The following TSHZ3 variants were observed in gnomAD, a reference collection of about 807,000 sequenced individuals.
TSHZ3 encodes the protein teashirt zinc finger homeobox 3.
In TSHZ3, 10 loss-of-function variants were observed where a neutral mutation model predicts 64.5. The observed-to-expected ratio is 0.16, with a 90% CI of 0.10 to 0.26. The LOEUF (loss-of-function observed/expected upper bound fraction) is 0.26. TSHZ3 is among the 10% of genes least tolerant of loss of function. The probability of loss-of-function intolerance (pLI) is 1.00; values close to 1 mark genes in which losing one functional copy is unlikely to be tolerated. For missense variants in TSHZ3, 1,242 were observed against 1,421.7 expected (o/e 0.87, Z 2.03); for synonymous variants, 608 against 593.1 (o/e 1.03, Z -0.36).
chr19:31,325,232 C>T (rs1409155511), intron 1 of TSHZ3, among the ~76,000 whole-genome samples: 6 of 152,130 alleles, frequency 3.9e-5, no homozygotes, highest in Admixed American at 3.3e-4. Context: ...GGCTTTACAC[C>T]CTCAGTGCTT....
At chr19:31,312,531 C>T (rs950363001) in intron 1 of TSHZ3, among the ~76,000 whole-genome samples, 19 of 152,270 alleles carry the variant, frequency 1.2e-4, no homozygotes, top group African/African-American at 4.6e-4. Flanking sequence ...TCCTAATGTC[C>T]TCTCTCTTCC....
intron 5 of TSHZ3, among the ~76,000 whole-genome samples, chr19:31,179,357 G>A (rs993348726): frequency 1.3e-5 from 2 of 152,158 alleles, no homozygotes; most frequent in Non-Finnish European, 2.9e-5. Context: ...AAAGACAGGG[G>A]AACAAATACT....
intron 4 of TSHZ3, among the ~76,000 whole-genome samples, chr19:31,210,866 G>C (rs1182269357): frequency 6.6e-6 from 1 of 152,180 alleles, no homozygotes; most frequent in Non-Finnish European, 1.5e-5. Flanking sequence ...ACTGTGTCTA[G>C]TGTTTAGCAT....
chr19:31,169,692 G>A (rs1974509216), intron 5 of TSHZ3, among the ~76,000 whole-genome samples: 1 of 152,114 alleles, frequency 6.6e-6, no homozygotes, highest in Admixed American at 6.5e-5. Flanking sequence ...CAGACTCCCT[G>A]AGTCTGTGCC....
At chr19:31,273,296 C>G (rs184539729), downstream of TSHZ3, among the ~76,000 whole-genome samples, 34 of 152,278 alleles carry the variant, frequency 2.2e-4, no homozygotes, top group Admixed American at 4.6e-4. Context: ...TTCATGGACC[C>G]CCACGTATAT....
upstream of TSHZ3, among the ~76,000 whole-genome samples, chr19:31,349,828 C>T (rs1234641269): frequency 1.3e-5 from 2 of 148,264 alleles, no homozygotes; most frequent in African/African-American, 2.5e-5. Flanking sequence ...GCGGCTGGAG[C>T]GGCGGCGTCG....
chr19:31,318,684 A>AT (rs1916677016), intron 1 of TSHZ3, among the ~76,000 whole-genome samples: 1 of 152,198 alleles, frequency 6.6e-6, no homozygotes, highest in Non-Finnish European at 1.5e-5. Flanking sequence ...GTCTCCTATT[A>AT]TTTTTATCCT....
At chr19:31,210,146 G>A (rs1975244560) in intron 4 of TSHZ3, among the ~76,000 whole-genome samples, 3 of 152,140 alleles carry the variant, frequency 2.0e-5, no homozygotes, top group Admixed American at 2.0e-4. Flanking sequence ...TTCCAAGCCA[G>A]GCAAATGAGT....
At chr19:31,249,028 G>A (rs982374625) in intron 1 of TSHZ3, among the ~76,000 whole-genome samples, 1 of 151,912 alleles carries the variant, frequency 6.6e-6, no homozygotes, top group African/African-American at 2.4e-5. Context: ...CAAGAGATGA[G>A]AGTGTGGCTA....
chr19:31,323,449 G>C (rs1208410133), intron 1 of TSHZ3, among the ~76,000 whole-genome samples: 1 of 152,204 alleles, frequency 6.6e-6, no homozygotes, highest in East Asian at 1.9e-4. Context: ...AGACACATGA[G>C]TTTTGCCATT....
intron 6 of TSHZ3, among the ~76,000 whole-genome samples, chr19:31,153,670 T>G (rs1437443645): frequency 6.6e-6 from 1 of 152,244 alleles, no homozygotes; most frequent in African/African-American, 2.4e-5. Context: ...AAGAGCTTTG[T>G]CCTTCTTGTT....
At position 31,278,935 on chromosome 19, in the gene TSHZ3, G is replaced by A. The variant is rs1976306818; in HGVS notation, c.858C>T (p.Ser286=). The A allele has an allele frequency of 6.2e-7, 1 of 1,614,114 alleles. No individual in the cohort carries two copies. ...TCATATGGACACTCAAATCCTGCAG[G>A]GACTCAAAGGAGTGGCCACAGTACA... The part of the protein sequence containing the change: ...KCMYCGHSFE[S]LQDLSVHMIK... The change falls in exon 2 of 2, where the codon TCC becomes TCT. Residue 286 remains serine (S), a synonymous_variant. Coordinates refer to ENST00000240587, the MANE Select transcript of TSHZ3 (RefSeq NM_020856.4). This position sits in a 1 kb window ranked among gnomAD's most constrained non-coding sequence, Gnocchi z 4.7.
intron 1 of TSHZ3, among the ~76,000 whole-genome samples, chr19:31,290,814 C>T (rs904151634): frequency 1.3e-5 from 2 of 152,150 alleles, no homozygotes; most frequent in African/African-American, 4.8e-5. Context: ...GGAAAAGTGG[C>T]TGCAGCTGTA....
intron 5 of TSHZ3, among the ~76,000 whole-genome samples, chr19:31,158,478 T>C (rs1404585061): frequency 2.6e-5 from 4 of 152,174 alleles, no homozygotes; most frequent in African/African-American, 9.7e-5. Flanking sequence ...GACTGAGATG[T>C]CATCAGGACT....
At chr19:31,170,009 G>A (rs1974514273) in intron 5 of TSHZ3, among the ~76,000 whole-genome samples, 1 of 152,178 alleles carries the variant, frequency 6.6e-6, no homozygotes, top group South Asian at 2.1e-4. Context: ...GGGTCTAGCT[G>A]AATGGCTAAC....
chr19:31,291,487 G>A (rs1242928809), intron 1 of TSHZ3, among the ~76,000 whole-genome samples: 2 of 152,168 alleles, frequency 1.3e-5, no homozygotes, highest in East Asian at 3.9e-4. Flanking sequence ...GAAAGAGAAG[G>A]CAGCTTCCCT....
intron 5 of TSHZ3, among the ~76,000 whole-genome samples, chr19:31,199,276 C>T (rs1011341592): frequency 2.6e-5 from 4 of 151,434 alleles, no homozygotes; most frequent in South Asian, 2.1e-4. Flanking sequence ...TCGTGGCGGG[C>T]GCCTGTAGTC....
intron 1 of TSHZ3, among the ~76,000 whole-genome samples, chr19:31,318,726 A>C (rs1398246634): frequency 6.6e-6 from 1 of 152,234 alleles, no homozygotes; most frequent in East Asian, 1.9e-4. Context: ...CAATTATGAT[A>C]AAAGATGGTA....
intron 1 of TSHZ3, among the ~76,000 whole-genome samples, chr19:31,253,696 G>A (rs1448382735): frequency 1.3e-5 from 2 of 152,092 alleles, no homozygotes; most frequent in Non-Finnish European, 2.9e-5. Context: ...GCAATAGTCT[G>A]TGCATGCATG....
Sources: allele counts gnomAD v4.1 joint callset (sites outside exome capture counted in the v4.1 genomes callset), GRCh38; gene constraint gnomAD v4.1.1; non-coding constraint Gnocchi (gnomAD v3.1); transcripts MANE v1.5; gene names NCBI Gene and HGNC (gene_info 2026-07-23, HGNC 2026-07-21).